BAZ1B: variants seen among roughly 807,000 people sequenced by gnomAD.
BAZ1B encodes the protein bromodomain adjacent to zinc finger domain 1B.
In BAZ1B, 22 loss-of-function variants were observed where a neutral mutation model predicts 153.8. The observed-to-expected ratio is 0.14, with a 90% CI of 0.10 to 0.20. The LOEUF (loss-of-function observed/expected upper bound fraction) is 0.20. BAZ1B is among the 10% of genes least tolerant of loss of function. BAZ1B has a pLI of 1.00. For missense variants in BAZ1B, 1,325 were observed against 1,799.3 expected, an observed-to-expected ratio of 0.74 and a Z score of 4.77; for synonymous variants, 676 against 633.4, an observed-to-expected ratio of 1.07 and a Z score of -1.01.
chr7:73,460,193 A>AG (rs1491209439), intron 12 of BAZ1B, among the ~76,000 whole-genome samples: 2 of 111,294 alleles, frequency 1.8e-5, no homozygotes, highest in African/African-American at 7.1e-5. Context: ...CGTCTCAGGG[A>AG]AAAAAAAAAA....
At chr7:73,510,186 T>C (rs1329507770) in intron 2 of BAZ1B, among the ~76,000 whole-genome samples, 2 of 151,188 alleles carry the variant, frequency 1.3e-5, no homozygotes, top group African/African-American at 4.9e-5. Flanking sequence ...TCCCAGCACT[T>C]TGGGAGGCCA....
chr7:73,469,505 A>G lies in BAZ1B; in HGVS notation c.2866+12T>C. The G allele has an allele frequency of 6.2e-7, 1 of 1,614,034 alleles. No individual in the cohort carries two copies. Reference sequence around the variant, plus strand: ...AGGGTGAAATAACTCTTAGATATACAGATATACTCACTGCGAGGACAGTAA... The same window carrying G: ...AGGGTGAAATAACTCTTAGATATACGGATATACTCACTGCGAGGACAGTAA... On this transcript the variant is annotated intron_variant, in intron 9 of 19. Coordinates refer to ENST00000339594, the MANE Select transcript of BAZ1B (RefSeq NM_032408.4).
chr7:73,509,254 G>A (rs937518179), intron 2 of BAZ1B, among the ~76,000 whole-genome samples: 29 of 152,016 alleles, frequency 1.9e-4, no homozygotes, highest in Non-Finnish European at 2.6e-4. Flanking sequence ...CACGGGAAGC[G>A]AAGGTTGCAG....
At chr7:73,460,886 C>A (rs1788370602) in intron 12 of BAZ1B, among the ~76,000 whole-genome samples, 1 of 150,728 alleles carries the variant, frequency 6.6e-6, no homozygotes, top group Non-Finnish European at 1.5e-5. Flanking sequence ...GAGTTTGAGG[C>A]TGCTGTCAGC....
intron 2 of BAZ1B, 126 bp downstream of exon 2, chr7:73,510,610 C>T: frequency 1.1e-6 from 1 of 891,368 alleles, no homozygotes. Context: ...CCATACAGTA[C>T]ACTAATGTAA....
At chr7:73,469,966 C>T (rs1554571754) in intron 8 of BAZ1B, among the ~76,000 whole-genome samples, 1 of 152,098 alleles carries the variant, frequency 6.6e-6, no homozygotes, top group Non-Finnish European at 1.5e-5. Context: ...ACTCAGCCTC[C>T]CAAAGTGTAG....
In BAZ1B at chr7:73,450,570, TAC is replaced by T. The variant is rs1787997778; in HGVS notation, c.3580+275_3580+276del. ...TTAAAACTAAACTAACTAAAATAGT[TAC>T]AAGGATTAACTAATTTTGTTTTCTG... On this transcript the variant is annotated intron_variant, in intron 14 of 19. Transcript: ENST00000339594. The surrounding 1 kb of genome is among the most constrained non-coding windows in gnomAD (Gnocchi z 4.1). 6.6e-6 allele frequency among the ~76,000 whole-genome samples: 1 copy of T among 152,200 alleles called. No individual in the cohort carries two copies. The highest frequency in any genetic ancestry group is 1.5e-5 in the Non-Finnish European group (1 of 68,042).
At chr7:73,521,468 C>T (rs2115648093) in intron 1 of BAZ1B, among the ~76,000 whole-genome samples, 1 of 152,322 alleles carries the variant, frequency 6.6e-6, no homozygotes, top group African/African-American at 2.4e-5. Flanking sequence ...GAAAACCTAG[C>T]TCCCCCTCCC....
chr7:73,462,535 T>C (rs1358116522), intron 12 of BAZ1B: 6 of 248,102 alleles, frequency 2.4e-5, no homozygotes, highest in Non-Finnish European at 3.9e-5. Context: ...TAAATAGAAA[T>C]CTGAGCTGAC....
intron 1 of BAZ1B, among the ~76,000 whole-genome samples, chr7:73,514,268 T>C (rs11982150): frequency 0.049 from 7,439 of 152,188 alleles, 209 homozygotes; most frequent in Non-Finnish European, 0.066. Flanking sequence ...CAGTGGCTCA[T>C]GCCTATAATC....
intron 6 of BAZ1B, among the ~76,000 whole-genome samples, chr7:73,479,128 G>A (rs1012163245): frequency 2.7e-5 from 4 of 149,450 alleles, no homozygotes; most frequent in Non-Finnish European, 2.9e-5. Flanking sequence ...ATCAGTGAGT[G>A]TAAGAACAAC....
intron 1 of BAZ1B, among the ~76,000 whole-genome samples, chr7:73,521,359 T>C (rs985401090): frequency 6.6e-6 from 1 of 152,120 alleles, no homozygotes. Context: ...CAGTTGAGTC[T>C]TGCACACGCC....
In BAZ1B at chr7:73,465,474, T is replaced by A; in HGVS notation, c.3036A>T (p.Ile1012=). 6.2e-7 allele frequency: 1 copy of A among 1,610,588 alleles called. No individual in the cohort carries two copies. Among genetic ancestry groups the A allele is most frequent in the Non-Finnish European group, 8.5e-7 (1 of 1,178,432 alleles). Residue 1012 remains isoleucine, a synonymous_variant, in exon 11 of 20, where the codon ATA becomes ATT. Coordinates refer to ENST00000339594, the MANE Select transcript of BAZ1B (RefSeq NM_032408.4). ...GTCTCTCTTTAAGTTGACTTTCTCTTATTCCCTGAGGGTGAAGACAGTTTA... is the reference window on the plus strand; with the variant it reads ...GTCTCTCTTTAAGTTGACTTTCTCTAATTCCCTGAGGGTGAAGACAGTTTA... ...ELLNCLHPQG[I]RESQLKERLE... is the part of the protein sequence containing the mutation.
chr7:73,470,626 A>C (rs1788767095), intron 7 of BAZ1B, 143 bp from the exon 8 acceptor site: 1 of 1,002,992 alleles, frequency 1.0e-6, no homozygotes. Context: ...AATCTGTTAC[A>C]AGAAATTACA....
chr7:73,451,727 T>C (rs1554568304), intron 13 of BAZ1B, among the ~76,000 whole-genome samples: 2 of 152,234 alleles, frequency 1.3e-5, no homozygotes, highest in Non-Finnish European at 2.9e-5. Flanking sequence ...TATTTCAACA[T>C]CTGCTTTGAA....
chr7:73,457,530 A>G (rs1788250278), intron 13 of BAZ1B, among the ~76,000 whole-genome samples: 1 of 152,210 alleles, frequency 6.6e-6, no homozygotes, highest in Non-Finnish European at 1.5e-5. Flanking sequence ...AATAGCCAAA[A>G]GACGGAAGCA....
In BAZ1B at chr7:73,442,732, G is replaced by C; in HGVS notation, c.4087C>G (p.Pro1363Ala). ...HKIVKYRFSW[P>A]FREPVTRDEA... ...TGAGAACACAGCACTCACCTGAAGG[G>C]CCAGCTGAAGCGGTACTTCACGATC... is the stretch of plus-strand genomic sequence containing the variant. The change falls in exon 18 of 20, where the codon CCC (proline) becomes GCC (alanine). Residue 1363 changes from proline (P) to alanine (A), a missense_variant. Physicochemically the swap from Pro to Ala is conservative, Grantham distance 27 (BLOSUM62 -1). Transcript: ENST00000339594. The C allele has an allele frequency of 6.2e-7, 1 of 1,613,936 alleles. No homozygotes were observed. The highest frequency in any genetic ancestry group is 8.5e-7 in the Non-Finnish European group (1 of 1,179,904).
intron 7 of BAZ1B, among the ~76,000 whole-genome samples, chr7:73,471,209 G>GA (rs1788792507): frequency 6.6e-6 from 1 of 152,154 alleles, no homozygotes; most frequent in African/African-American, 2.4e-5. Context: ...CAGTCCTGAG[G>GA]AATCTGACAG....
chr7:73,489,246 T>C lies in BAZ1B; in HGVS notation c.839A>G (p.Lys280Arg), dbSNP rs1157861331. The C allele has an allele frequency of 6.2e-7, 1 of 1,614,076 alleles. No homozygotes were observed. Among genetic ancestry groups the C allele is most frequent in the Non-Finnish European group, 8.5e-7 (1 of 1,180,050 alleles). The change falls in exon 6 of 20, where the codon AAG (lysine) becomes AGG (arginine). Residue 280 changes from lysine to arginine, a missense_variant. Lys to Arg is a conservative substitution (Grantham distance 26). Coordinates refer to ENST00000339594, the MANE Select transcript of BAZ1B (RefSeq NM_032408.4). ...GAACTTGCTGGGCAGAGAGTATTTC[T>C]TCACCAATTCATCTTCTACGACCCA... ...APWVVEDELV[K>R]KYSLPSKFSD... is the part of the protein sequence containing the mutation.
Sources: allele counts gnomAD v4.1 joint callset (sites outside exome capture counted in the v4.1 genomes callset), GRCh38; gene constraint gnomAD v4.1.1; non-coding constraint Gnocchi (gnomAD v3.1); transcripts MANE v1.5; gene names NCBI Gene and HGNC (gene_info 2026-07-23, HGNC 2026-07-21).